The following SLC4A4 variants were observed in gnomAD, a reference collection of about 807,000 sequenced individuals.
The protein encoded by SLC4A4 is electrogenic sodium bicarbonate cotransporter 1.
Under a neutral mutation model 111.5 loss-of-function variants are expected in SLC4A4, and 27 were observed. That is an observed-to-expected ratio of 0.24 (90% CI 0.18 to 0.33). The LOEUF is 0.33. Among genes scored for constraint, SLC4A4 ranks in the 10% least tolerant of loss-of-function variants. SLC4A4 has a pLI of 1.00. For missense variants in SLC4A4, 909 were observed against 1,315.5 expected, an observed-to-expected ratio of 0.69 and a Z score of 4.78; for synonymous variants, 443 against 463.4, an observed-to-expected ratio of 0.96 and a Z score of 0.57.
In SLC4A4 at chr4:71,297,509, AACACACACAC is replaced by A. The variant is rs61184918; in HGVS notation, c.254-41828_254-41819del. 7.4e-3 allele frequency among the ~76,000 whole-genome samples: 983 copies of A among 132,122 alleles called. 12 individuals carry two copies. The highest frequency in any genetic ancestry group is 0.026 in the African/African-American group (930 of 35,574). 86.7% of individuals were successfully genotyped at this position (132,122 alleles called of 152,430 possible). ...CTGGCTTGATACACACACACAGACA[AACACACACAC>A]ACACACACACACACACACACACACA... On this transcript the variant is annotated intron_variant, in intron 3 of 25. Transcript: ENST00000264485.
chr4:71,096,888 C>T (rs553337730), intron 2 of SLC4A4, among the ~76,000 whole-genome samples: 2 of 152,094 alleles, frequency 1.3e-5, no homozygotes, highest in Non-Finnish European at 2.9e-5. Flanking sequence ...ACTGTCTCTG[C>T]GAACATAATC....
rs1743612305 is a variant in SLC4A4, at chr4:71,128,312, C to T, written c.-2+35520C>T. Among the ~76,000 whole-genome samples the T allele has an allele frequency of 2.0e-5, 3 of 151,970 alleles. No individual in the cohort carries two copies. In the South Asian group the frequency reaches 6.2e-4, roughly 32 times the overall value. The stretch of plus-strand genomic sequence containing the variant: ...CATATCTCGTCAGATCTCGTGAGAC[C>T]CATTCACAATCATGAGAACAGCACA... On this transcript the variant is annotated intron_variant, in intron 2 of 26. Coordinates refer to the SLC4A4 transcript ENST00000649996.
At chr4:71,101,362 C>A (rs80260243) in intron 2 of SLC4A4, among the ~76,000 whole-genome samples, 1 of 152,102 alleles carries the variant, frequency 6.6e-6, no homozygotes, top group African/African-American at 2.4e-5. Flanking sequence ...CAATGCTGTA[C>A]CTATCAAACT....
At position 71,536,465 on chromosome 4, in the gene SLC4A4, C is replaced by CATATATATATATATAT. The variant is rs869091643; in HGVS notation, c.2442+2084_2442+2099dup. On this transcript the variant is annotated intron_variant, in intron 18 of 25. Transcript: ENST00000264485. Reference sequence around the variant, plus strand: ...GCATATATACATATATACATATATACATATATATATATATATATATATGTA... The same window carrying CATATATATATATATAT: ...GCATATATACATATATACATATATACATATATATATATATATATATATATATATATATATATATGTA... Among the ~76,000 whole-genome samples, 125 of 40,684 alleles carry CATATATATATATATAT rather than the reference C, an allele frequency of 3.1e-3. 4 individuals carry two copies. Among genetic ancestry groups the CATATATATATATATAT allele is most frequent in the African/African-American group, 8.7e-3 (108 of 12,458 alleles). The allele number at this position is 40,684 out of a possible 152,430, so 26.7% of individuals were successfully genotyped here.
At chr4:71,253,308 A>G (rs1201988463) in intron 2 of SLC4A4, among the ~76,000 whole-genome samples, 2 of 152,102 alleles carry the variant, frequency 1.3e-5, no homozygotes, top group African/African-American at 4.8e-5. Flanking sequence ...ACCCATATAG[A>G]CTGTCTATTA....
chr4:71,343,022 A>G (rs1465699322), intron 4 of SLC4A4, among the ~76,000 whole-genome samples: 3 of 152,124 alleles, frequency 2.0e-5, no homozygotes, highest in African/African-American at 7.2e-5. Flanking sequence ...TGTATGTGAT[A>G]TTATTGTTTT....
chr4:71,450,138 T>C (rs1228794282), intron 9 of SLC4A4, among the ~76,000 whole-genome samples: 2 of 152,182 alleles, frequency 1.3e-5, no homozygotes, highest in African/African-American at 4.8e-5. Flanking sequence ...AATGTTGTTT[T>C]ATATTATTGG....
intron 7 of SLC4A4, among the ~76,000 whole-genome samples, chr4:71,436,320 G>C (rs1273425931): frequency 6.6e-6 from 1 of 152,082 alleles, no homozygotes; most frequent in Non-Finnish European, 1.5e-5. Flanking sequence ...AGAAAACCAA[G>C]CACTGCATGT....
intron 18 of SLC4A4, among the ~76,000 whole-genome samples, chr4:71,535,029 CT>C (rs1444269429): frequency 1.3e-5 from 2 of 152,044 alleles, no homozygotes; most frequent in African/African-American, 4.8e-5. Context: ...GCTCCAGTGA[CT>C]TTTTTAGTTG....
chr4:71,534,536 A>G (rs952709864), intron 18 of SLC4A4, 148 bp downstream of exon 18: 8 of 711,486 alleles, frequency 1.1e-5, no homozygotes, highest in Non-Finnish European at 2.0e-5. Flanking sequence ...ATCACTTTGT[A>G]TTGGTACATG....
intron 12 of SLC4A4, among the ~76,000 whole-genome samples, chr4:71,456,385 CTT>C (rs1455925536): frequency 6.6e-6 from 1 of 152,014 alleles, no homozygotes. Context: ...TGAACCAAAA[CTT>C]AACAAATATT....
chr4:71,180,561 CA>C (rs1745255797), intron 2 of SLC4A4, among the ~76,000 whole-genome samples: 1 of 152,142 alleles, frequency 6.6e-6, no homozygotes, highest in South Asian at 2.1e-4. Context: ...AGACATTTCT[CA>C]AAAGAAGACA....
intron 15 of SLC4A4, among the ~76,000 whole-genome samples, chr4:71,487,543 T>C (rs928679933): frequency 6.6e-6 from 1 of 151,566 alleles, no homozygotes; most frequent in South Asian, 2.1e-4. Flanking sequence ...GAACTAAGCT[T>C]TAAAAATGAG....
upstream of SLC4A4, among the ~76,000 whole-genome samples, chr4:71,182,350 C>T (rs911163682): frequency 2.0e-5 from 3 of 152,108 alleles, no homozygotes; most frequent in Admixed American, 6.6e-5. Context: ...CAGTGTTTTC[C>T]GTGAAGACAT....
intron 2 of SLC4A4, among the ~76,000 whole-genome samples, chr4:71,241,954 C>G (rs774431189): frequency 5.3e-5 from 8 of 152,188 alleles, no homozygotes; most frequent in Non-Finnish European, 7.3e-5. Context: ...CAGCACTTAG[C>G]TCTGTAGCTG....
intron 3 of SLC4A4, among the ~76,000 whole-genome samples, chr4:71,308,705 T>G (rs1435745007): frequency 1.3e-5 from 2 of 152,200 alleles, no homozygotes; most frequent in African/African-American, 4.8e-5. Context: ...CCATGGTTTT[T>G]GCAATCCGCA....
At chr4:71,184,822 A>G (rs572628337), upstream of SLC4A4, among the ~76,000 whole-genome samples, 2 of 152,308 alleles carry the variant, frequency 1.3e-5, no homozygotes, top group African/African-American at 2.4e-5. Context: ...TTCAAAGGAA[A>G]ACACGTATAT....
At chr4:71,174,826 C>A (rs1441345854) in intron 2 of SLC4A4, among the ~76,000 whole-genome samples, 1 of 152,166 alleles carries the variant, frequency 6.6e-6, no homozygotes, top group East Asian at 1.9e-4. Flanking sequence ...TACGATGTAG[C>A]CCAGGCTCAA....
At chr4:71,252,958 A>T (rs138712196) in intron 2 of SLC4A4, among the ~76,000 whole-genome samples, 1 of 152,156 alleles carries the variant, frequency 6.6e-6, no homozygotes, top group African/African-American at 2.4e-5. Context: ...CTTGAGAGGA[A>T]CAACATTTCT....
Sources: gnomAD v4.1 joint callset for allele counts (sites outside exome capture counted in the v4.1 genomes callset) on GRCh38, gnomAD v4.1.1 for gene constraint, MANE v1.5 for transcripts, NCBI Gene and HGNC (gene_info 2026-07-23, HGNC 2026-07-21) for gene names.